TRIM2: variants seen among roughly 807,000 people sequenced by gnomAD.
TRIM2 encodes tripartite motif containing 2, also known as tripartite motif-containing protein 2.
In TRIM2, 20 loss-of-function variants were observed where a neutral mutation model predicts 75.2. The ratio of observed to expected loss-of-function variants is 0.27; its 90% confidence interval spans 0.19 to 0.39. The LOEUF (loss-of-function observed/expected upper bound fraction) is 0.39. TRIM2 is among the 10% of genes least tolerant of loss of function. The probability of loss-of-function intolerance (pLI) is 1.00; values close to 1 mark genes in which losing one functional copy is unlikely to be tolerated. For missense variants in TRIM2, 660 were observed against 990.8 expected, an observed-to-expected ratio of 0.67 and a Z score of 4.48; for synonymous variants, 373 against 388.3, an observed-to-expected ratio of 0.96 and a Z score of 0.46.
chr4:153,294,216 A>T, intron 4 of TRIM2, 89 bp from the exon 5 acceptor site: 2 of 1,386,994 alleles, frequency 1.4e-6, no homozygotes, highest in Non-Finnish European at 2.0e-6. Context: ...AAGGCATAGA[A>T]TTTTTTTAAA....
chr4:153,214,560 C>G (rs1208503564), intron 1 of TRIM2, among the ~76,000 whole-genome samples: 1 of 152,220 alleles, frequency 6.6e-6, no homozygotes, highest in African/African-American at 2.4e-5. Context: ...TTGTCCAAAG[C>G]AGCCTCTCAG....
chr4:153,280,514 A>T (rs574021550), intron 3 of TRIM2, among the ~76,000 whole-genome samples: 1 of 151,662 alleles, frequency 6.6e-6, no homozygotes, highest in South Asian at 2.1e-4. Context: ...CCTCCAGAGT[A>T]GCTGGGACTA....
At chr4:153,278,431 T>G (rs1579277181) in intron 3 of TRIM2, among the ~76,000 whole-genome samples, 2 of 152,110 alleles carry the variant, frequency 1.3e-5, no homozygotes, top group East Asian at 3.9e-4. Context: ...TATTTCTAAC[T>G]GTCATTATTT....
chr4:153,221,991 A>T (rs951773704), intron 1 of TRIM2, among the ~76,000 whole-genome samples: 1 of 47,770 alleles, frequency 2.1e-5, no homozygotes. Flanking sequence ...AGGAAGGGAG[A>T]GAGGAAGGAA....
intron 1 of TRIM2, among the ~76,000 whole-genome samples, chr4:153,254,762 G>A (rs1356766577): frequency 6.6e-6 from 1 of 152,214 alleles, no homozygotes; most frequent in Non-Finnish European, 1.5e-5. Flanking sequence ...TAGATTCACA[G>A]CTGAGCCCCC....
At chr4:153,307,426 G>A (rs1437029946) in intron 6 of TRIM2, among the ~76,000 whole-genome samples, 2 of 151,220 alleles carry the variant, frequency 1.3e-5, no homozygotes, top group Non-Finnish European at 2.9e-5. Context: ...CATGAATTCA[G>A]AGACTTTACA....
At chr4:153,158,761 A>G (rs1729469794) in intron 1 of TRIM2, among the ~76,000 whole-genome samples, 1 of 152,232 alleles carries the variant, frequency 6.6e-6, no homozygotes, top group African/African-American at 2.4e-5. Flanking sequence ...CAATCAGGTT[A>G]TGAGTGCTGG....
chr4:153,172,256 T>C (rs6535901), intron 1 of TRIM2, among the ~76,000 whole-genome samples: 73,339 of 151,822 alleles, frequency 0.48, 17,976 homozygotes, highest in African/African-American at 0.56. Flanking sequence ...GGTGCTATCT[T>C]GGCTCACTGC....
chr4:153,270,417 C>G lies in TRIM2; in HGVS notation c.113C>G (p.Pro38Arg), dbSNP rs1756395424. The G allele has an allele frequency of 6.2e-7, 1 of 1,613,912 alleles. No homozygotes were observed. Among genetic ancestry groups the G allele is most frequent in the African/African-American group, 1.3e-5 (1 of 74,910 alleles). ...MASEGTNIPS[P>R]VVRQIDKQFL... ...AGTGAAGGCACCAACATCCCAAGTC[C>G]TGTGGTGCGCCAGATTGACAAGCAG... Residue 38 changes from proline (P) to arginine (R), a missense_variant, in exon 2 of 12, where the codon CCT becomes CGT. By Grantham distance (103) the Pro-to-Arg change is moderately radical. This residue lies in a region of TRIM2 where 620 missense variants were observed against 891.0 expected (regional missense o/e 0.70). Coordinates refer to ENST00000338700, the MANE Select transcript of TRIM2 (RefSeq NM_015271.5).
intron 1 of TRIM2, among the ~76,000 whole-genome samples, chr4:153,237,100 C>T (rs1745235168): frequency 6.6e-6 from 1 of 152,088 alleles, no homozygotes; most frequent in African/African-American, 2.4e-5. Flanking sequence ...TGAAAATCAG[C>T]TAGATTTGGT....
chr4:153,161,841 A>G (rs2149594984), intron 1 of TRIM2, among the ~76,000 whole-genome samples: 1 of 152,324 alleles, frequency 6.6e-6, no homozygotes, highest in South Asian at 2.1e-4. Flanking sequence ...TCAATGTACA[A>G]TTGTCCTCTG....
intron 9 of TRIM2, among the ~76,000 whole-genome samples, chr4:153,323,056 C>T (rs559148992): frequency 1.3e-5 from 2 of 152,170 alleles, no homozygotes; most frequent in Non-Finnish European, 2.9e-5. Flanking sequence ...CAGTTCACAA[C>T]TCAGAAGTCT....
At chr4:153,177,339 G>C (rs1731547533) in intron 1 of TRIM2, among the ~76,000 whole-genome samples, 1 of 152,168 alleles carries the variant, frequency 6.6e-6, no homozygotes, top group Admixed American at 6.5e-5. Context: ...TCTTTATTCT[G>C]GGTATTCCTA....
At chr4:153,264,631 C>T (rs940586707) in intron 1 of TRIM2, among the ~76,000 whole-genome samples, 2 of 152,120 alleles carry the variant, frequency 1.3e-5, no homozygotes, top group Non-Finnish European at 2.9e-5. Context: ...GTGGTAGTGC[C>T]CCAACGCTTT....
intron 1 of TRIM2, among the ~76,000 whole-genome samples, chr4:153,176,721 G>A (rs1432120503): frequency 5.9e-5 from 9 of 151,954 alleles, no homozygotes; most frequent in East Asian, 1.9e-4. Flanking sequence ...AGAGATTCTC[G>A]AGCCTCAGCC....
intron 3 of TRIM2, among the ~76,000 whole-genome samples, chr4:153,286,765 A>ACCC (rs1197728432): frequency 1.9e-4 from 9 of 47,420 alleles, no homozygotes; most frequent in African/African-American, 7.5e-4. Context: ...ACCACCCCGC[A>ACCC]CCCCCCCACC....
Position 153,324,157 on chromosome 4 carries a change from A to C in TRIM2, c.2022+9A>C. 1 of 1,608,412 alleles carries C rather than the reference A, an allele frequency of 6.2e-7. No individual in the cohort carries two copies. The highest frequency in any genetic ancestry group is 8.5e-7 in the Non-Finnish European group (1 of 1,177,962). The stretch of plus-strand genomic sequence containing the variant: ...ATAATCATTCTGTCAAGGTACTACA[A>C]GCACATGAGTTGTTGTTAACTTTTA... On this transcript the variant is annotated intron_variant, in intron 10 of 11. Transcript: ENST00000338700.
chr4:153,212,464 A>G (rs114052470), intron 1 of TRIM2, among the ~76,000 whole-genome samples: 3,632 of 152,256 alleles, frequency 0.024, 151 homozygotes, highest in African/African-American at 0.082. Flanking sequence ...TGATGAGTAC[A>G]CTAAAAGCCC....
chr4:153,307,891 T>C (rs1765371708), intron 6 of TRIM2: 5 of 748,884 alleles, frequency 6.7e-6, no homozygotes, highest in Non-Finnish European at 1.3e-5. Context: ...TGGGAGACCA[T>C]GATTCTGATC....
Sources: gnomAD v4.1 joint callset for allele counts (sites outside exome capture counted in the v4.1 genomes callset) on GRCh38, gnomAD v4.1.1 for gene constraint, gnomAD v4.1.1 regional missense constraint, MANE v1.5 for transcripts, NCBI Gene and HGNC (gene_info 2026-07-23, HGNC 2026-07-21) for gene names.